The following MBOAT2 variants were observed in gnomAD, a reference collection of about 807,000 sequenced individuals.
MBOAT2 encodes the protein membrane bound glycerophospholipid O-acyltransferase 2.
In MBOAT2, 28 loss-of-function variants were observed where a neutral mutation model predicts 63.4. That is an observed-to-expected ratio of 0.44 (90% confidence interval 0.33 to 0.61). The LOEUF is 0.61. Ranked by LOEUF, MBOAT2 falls within the 20% of genes least tolerant of loss-of-function variation. The pLI is 0.03. For missense variants in MBOAT2, 470 were observed against 605.8 expected, an observed-to-expected ratio of 0.78 and a Z score of 2.35; for synonymous variants, 211 against 215.6, an observed-to-expected ratio of 0.98 and a Z score of 0.19.
chr2:8,927,009 G>T (rs1431802677), intron 3 of MBOAT2, among the ~76,000 whole-genome samples: 1 of 152,212 alleles, frequency 6.6e-6, no homozygotes, highest in Non-Finnish European at 1.5e-5. Context: ...GTGATGGCTA[G>T]ATGTGGAGGT....
intron 4 of MBOAT2, among the ~76,000 whole-genome samples, chr2:8,897,280 T>C (rs1213224047): frequency 6.6e-6 from 1 of 152,128 alleles, no homozygotes; most frequent in African/African-American, 2.4e-5. Flanking sequence ...TCTCTTTCTC[T>C]CTTTCCTTTC....
intron 1 of MBOAT2, among the ~76,000 whole-genome samples, chr2:8,998,153 T>C (rs767328403): frequency 2.0e-5 from 3 of 152,230 alleles, no homozygotes; most frequent in Non-Finnish European, 4.4e-5. Context: ...CTCATTCATG[T>C]ATAGTAACAT....
At chr2:8,944,474 A>G (rs1668267032) in intron 2 of MBOAT2, among the ~76,000 whole-genome samples, 1 of 152,238 alleles carries the variant, frequency 6.6e-6, no homozygotes, top group Non-Finnish European at 1.5e-5. Context: ...TATGATTCAA[A>G]TAACTTTTAA....
chr2:8,883,824 T>G (rs1663328751), intron 5 of MBOAT2, among the ~76,000 whole-genome samples: 1 of 152,106 alleles, frequency 6.6e-6, no homozygotes. Flanking sequence ...AGTAACAACC[T>G]ATATATGCAA....
At chr2:8,910,170 C>CAG (rs142090695) in intron 3 of MBOAT2, among the ~76,000 whole-genome samples, 2 of 151,858 alleles carry the variant, frequency 1.3e-5, no homozygotes, top group Non-Finnish European at 2.9e-5. Context: ...CAGAGAAAGA[C>CAG]AGAGAGAGAG....
chr2:8,876,955 T>C lies in MBOAT2; in HGVS notation c.690+75A>G, dbSNP rs958422477. 3.3e-5 allele frequency: 45 copies of C among 1,378,058 alleles called. 1 individual carries two copies. The highest frequency in any genetic ancestry group is 3.9e-5 in the Non-Finnish European group (40 of 1,021,344). The allele number at this position is 1,378,058 out of a possible 1,614,324, so 85.4% of individuals were successfully genotyped here. A position where few individuals can be genotyped will look rare whatever the true frequency, so the allele number is the denominator to read the frequency against. ...GAAACAGATGGATAAGTTCACAATGTGAAAATATTTGTATCTTTAAATAAG... is the reference window on the plus strand; with the variant it reads ...GAAACAGATGGATAAGTTCACAATGCGAAAATATTTGTATCTTTAAATAAG... On this transcript the variant is annotated intron_variant, in intron 7 of 12. Transcript: ENST00000305997.
intron 2 of MBOAT2, among the ~76,000 whole-genome samples, chr2:8,957,083 G>A (rs1048001864): frequency 2.0e-5 from 3 of 152,116 alleles, no homozygotes; most frequent in Non-Finnish European, 4.4e-5. Flanking sequence ...TATAGACTGG[G>A]ATATACTTTA....
chr2:8,975,792 C>A (rs114383390), intron 1 of MBOAT2, among the ~76,000 whole-genome samples: 371 of 23,826 alleles, frequency 0.016, 2 homozygotes, highest in Non-Finnish European at 0.022. Context: ...ATTAAATGAA[C>A]AATACAAAAA....
chr2:8,917,614 G>A (rs1048922978), intron 3 of MBOAT2, among the ~76,000 whole-genome samples: 1 of 152,192 alleles, frequency 6.6e-6, no homozygotes. Context: ...AAAGGAACTG[G>A]CGCTCGCATA....
At chr2:8,900,915 G>A (rs897524998) in intron 4 of MBOAT2, among the ~76,000 whole-genome samples, 1 of 152,178 alleles carries the variant, frequency 6.6e-6, no homozygotes, top group African/African-American at 2.4e-5. Context: ...AAAAAAATGA[G>A]CTGCCTCTTT....
At chr2:8,880,395 A>G (rs1663023633) in intron 6 of MBOAT2, among the ~76,000 whole-genome samples, 1 of 152,166 alleles carries the variant, frequency 6.6e-6, no homozygotes, top group Non-Finnish European at 1.5e-5. Context: ...CTGGGTGAAA[A>G]TGGTGGAGGA....
intron 1 of MBOAT2, among the ~76,000 whole-genome samples, chr2:9,002,680 TTTC>T (rs1672786329): frequency 7.0e-6 from 1 of 142,418 alleles, no homozygotes; most frequent in East Asian, 2.2e-4. Flanking sequence ...ACTTCCAAAC[TTTC>T]TTTTCTCAGT....
chr2:8,992,052 T>C (rs1671949268), intron 1 of MBOAT2, among the ~76,000 whole-genome samples: 1 of 152,198 alleles, frequency 6.6e-6, no homozygotes, highest in South Asian at 2.1e-4. Context: ...CACAATCTGG[T>C]CAGCTAAGCA....
chr2:8,889,364 T>C (rs766796572), intron 4 of MBOAT2, among the ~76,000 whole-genome samples: 1 of 152,230 alleles, frequency 6.6e-6, no homozygotes, highest in East Asian at 1.9e-4. Flanking sequence ...TACAGCTCAT[T>C]CTCCTCAACT....
chr2:8,890,948 A>C (rs1432245292), intron 4 of MBOAT2, among the ~76,000 whole-genome samples: 1 of 152,224 alleles, frequency 6.6e-6, no homozygotes, highest in East Asian at 1.9e-4. Context: ...AGCATTTATT[A>C]TATATTGTAA....
At position 8,862,820 on chromosome 2, in the gene MBOAT2, G is replaced by A. The variant is rs1489288205; in HGVS notation, c.1053-98C>T. The stretch of plus-strand genomic sequence containing the variant: ...TCTTTTATTACCTGACAGGATTTAG[G>A]GTAACTAGAAAAACAAATACAACTT... On this transcript the variant is annotated intron_variant, in intron 10 of 12. Transcript: ENST00000305997. This position sits in a 1 kb window ranked among gnomAD's most constrained non-coding sequence, Gnocchi z 4.3. The A allele has an allele frequency of 7.1e-6, 10 of 1,405,416 alleles. No homozygotes were observed. Among genetic ancestry groups the A allele is most frequent in the South Asian group, 1.5e-5 (1 of 67,518 alleles). The allele number at this position is 1,405,416 out of a possible 1,614,324, so 87.1% of individuals were successfully genotyped here. A position where few individuals can be genotyped will look rare whatever the true frequency, so the allele number is the denominator to read the frequency against.
intron 1 of MBOAT2, among the ~76,000 whole-genome samples, chr2:8,972,556 G>T (rs1267032992): frequency 6.6e-6 from 1 of 152,118 alleles, no homozygotes; most frequent in Non-Finnish European, 1.5e-5. Flanking sequence ...CACAGCAAAA[G>T]AAACTACCAT....
Position 8,868,485 on chromosome 2 carries a change from G to A in MBOAT2, c.948C>T (p.Arg316=). The A allele has an allele frequency of 6.2e-7, 1 of 1,614,032 alleles. No individual in the cohort carries two copies. The highest frequency in any genetic ancestry group is 1.1e-5 in the South Asian group (1 of 91,058). ...FRGYDENGAA[R]WDLISNLRIQ... ...TTCTCAAATTGGAAATTAAGTCCCA[G>A]CGAGCTGCTCCATTTTCGTCATACC... Residue 316 remains arginine, a synonymous_variant, in exon 9 of 13, where the codon CGC becomes CGT. Transcript: ENST00000305997.
At chr2:8,895,695 C>A (rs1281118864) in intron 4 of MBOAT2, among the ~76,000 whole-genome samples, 1 of 152,214 alleles carries the variant, frequency 6.6e-6, no homozygotes, top group Non-Finnish European at 1.5e-5. Flanking sequence ...GCTCTAGCTA[C>A]TTCCTGCTGG....
Sources: allele counts gnomAD v4.1 joint callset (sites outside exome capture counted in the v4.1 genomes callset), GRCh38; gene constraint gnomAD v4.1.1; non-coding constraint Gnocchi (gnomAD v3.1); transcripts MANE v1.5; gene names NCBI Gene and HGNC (gene_info 2026-07-23, HGNC 2026-07-21).